The following ST3GAL2 variants were observed in gnomAD, a reference collection of about 807,000 sequenced individuals.
ST3GAL2 encodes ST3 beta-galactoside alpha-2,3-sialyltransferase 2, also known as CMP-N-acetylneuraminate-beta-galactosamide-alpha-2,3-sialyltransferase 2.
In ST3GAL2, 16 loss-of-function variants were observed where a neutral mutation model predicts 37.5. The ratio of observed to expected loss-of-function variants is 0.43; its 90% CI spans 0.29 to 0.65. The LOEUF (loss-of-function observed/expected upper bound fraction) is 0.65. ST3GAL2 is among the 30% of genes least tolerant of loss of function. ST3GAL2 has a pLI of 0.17. For missense variants in ST3GAL2, 383 were observed against 487.8 expected, an observed-to-expected ratio of 0.79 and a Z score of 2.02; for synonymous variants, 238 against 202.9, an observed-to-expected ratio of 1.17 and a Z score of -1.47.
intron 1 of ST3GAL2, among the ~76,000 whole-genome samples, chr16:70,419,634 T>C (rs1313497524): frequency 6.6e-6 from 1 of 152,174 alleles, no homozygotes; most frequent in Non-Finnish European, 1.5e-5. Flanking sequence ...CATGAGGCCC[T>C]GGGTGCAGCA....
chr16:70,382,016 C>T (rs1400832623), intron 6 of ST3GAL2, among the ~76,000 whole-genome samples, 154 bp from the exon 7 acceptor site: 4 of 150,414 alleles, frequency 2.7e-5, no homozygotes, highest in Non-Finnish European at 5.9e-5. Flanking sequence ...CACATGGGGA[C>T]ACCACCTTCC....
At chr16:70,418,685 C>T (rs573884840) in intron 1 of ST3GAL2, among the ~76,000 whole-genome samples, 16 of 152,294 alleles carry the variant, frequency 1.1e-4, no homozygotes, top group African/African-American at 3.4e-4. Flanking sequence ...CAAGCCCTGG[C>T]TTCCCCAGAT....
At chr16:70,432,551 C>T (rs2047798378) in intron 1 of ST3GAL2, among the ~76,000 whole-genome samples, 1 of 152,190 alleles carries the variant, frequency 6.6e-6, no homozygotes, top group African/African-American at 2.4e-5. Flanking sequence ...TAAATAGCAA[C>T]AAGAAGTACG....
chr16:70,381,639 G>A lies in ST3GAL2; in HGVS notation c.*50C>T, dbSNP rs760785317. The A allele has an allele frequency of 4.4e-6, 7 of 1,592,660 alleles. No homozygotes were observed. The Admixed American group carries it at 1.2e-4, about 27-fold the overall frequency. On this transcript the variant is annotated 3_prime_UTR_variant, in exon 7 of 7. Coordinates refer to ENST00000342907, the MANE Select transcript of ST3GAL2 (RefSeq NM_006927.4). Reference sequence around the variant, plus strand: ...GTTGCTGGTCCTGGGTCCCGGGCCGGAGCCCCGGTGCCCGATAGATGGGCC... The same window carrying A: ...GTTGCTGGTCCTGGGTCCCGGGCCGAAGCCCCGGTGCCCGATAGATGGGCC...
intron 4 of ST3GAL2, among the ~76,000 whole-genome samples, chr16:70,386,272 C>A (rs2047442830): frequency 6.6e-6 from 1 of 152,078 alleles, no homozygotes; most frequent in Non-Finnish European, 1.5e-5. Flanking sequence ...ACTGCAAGCT[C>A]CGCCTCCCGG....
chr16:70,406,023 T>G (rs2047590061), intron 1 of ST3GAL2, among the ~76,000 whole-genome samples: 1 of 150,114 alleles, frequency 6.7e-6, no homozygotes, highest in African/African-American at 2.5e-5. Context: ...ATCATGCCAC[T>G]GCACTCCGGC....
chr16:70,409,534 G>A (rs1336245749), intron 1 of ST3GAL2, among the ~76,000 whole-genome samples: 1 of 152,056 alleles, frequency 6.6e-6, no homozygotes, highest in Non-Finnish European at 1.5e-5. Context: ...GTCGAGATGG[G>A]GTTTAACCGT....
chr16:70,428,655 C>T (rs1335693000), intron 1 of ST3GAL2, among the ~76,000 whole-genome samples: 1 of 152,230 alleles, frequency 6.6e-6, no homozygotes, highest in East Asian at 1.9e-4. Flanking sequence ...CTGGACTTCT[C>T]AAGGTCCCCA....
At chr16:70,414,496 G>C (rs981640536) in intron 1 of ST3GAL2, among the ~76,000 whole-genome samples, 5 of 152,188 alleles carry the variant, frequency 3.3e-5, no homozygotes, top group Non-Finnish European at 7.3e-5. Flanking sequence ...ACTGCACACT[G>C]GCCATACAAA....
intron 1 of ST3GAL2, among the ~76,000 whole-genome samples, chr16:70,403,901 A>G (rs1302673422): frequency 6.6e-6 from 1 of 152,112 alleles, no homozygotes; most frequent in African/African-American, 2.4e-5. Flanking sequence ...AGGCTTAGGC[A>G]TAAGGATCAC....
intron 1 of ST3GAL2, among the ~76,000 whole-genome samples, chr16:70,424,638 T>C (rs2047738571): frequency 1.3e-5 from 2 of 152,012 alleles, no homozygotes; most frequent in Admixed American, 6.6e-5. Context: ...AATAATAAAG[T>C]TCTTGCCAAT....
At chr16:70,401,851 A>G (rs2151665500) in intron 1 of ST3GAL2, among the ~76,000 whole-genome samples, 1 of 151,932 alleles carries the variant, frequency 6.6e-6, no homozygotes, top group South Asian at 2.1e-4. Flanking sequence ...AAAATCAGCC[A>G]GGCGTTGTGG....
At chr16:70,399,759 G>A (rs1370831003) in intron 1 of ST3GAL2, 1 of 263,864 alleles carries the variant, frequency 3.8e-6, no homozygotes, top group African/African-American at 2.2e-5. Flanking sequence ...TTCTTAGCCA[G>A]AAGGTAAACG....
chr16:70,431,963 T>TAAAAAA (rs1397244157), intron 1 of ST3GAL2, among the ~76,000 whole-genome samples: 1 of 138,592 alleles, frequency 7.2e-6, no homozygotes, highest in African/African-American at 3.4e-5. Flanking sequence ...GACTCCGTCT[T>TAAAAAA]AAAAAAAATA....
At position 70,381,843 on chromosome 16, in the gene ST3GAL2, C is replaced by G. The variant is rs1489353458; in HGVS notation, c.899G>C (p.Gly300Ala). Residue 300 changes from glycine (G) to alanine (A), a missense_variant, in exon 7 of 7, where the codon GGG becomes GCG. By Grantham distance (60) the Gly-to-Ala change is moderately conservative. This residue lies in a region of ST3GAL2 where 160 missense variants were observed against 248.6 expected (regional missense o/e 0.64). Transcript: ENST00000342907. Reference sequence around the variant, plus strand: ...GTGCCAGTTGCCCCGGCTGTCGGCCCCGAACCCGTACACGTTCACCTGCGG... The same window carrying G: ...GTGCCAGTTGCCCCGGCTGTCGGCCGCGAACCCGTACACGTTCACCTGCGG... ...VCDEVNVYGF[G>A]ADSRGNWHHY... is the part of the protein sequence containing the mutation. 1 of 1,613,924 alleles carries G rather than the reference C, an allele frequency of 6.2e-7. No individual in the cohort carries two copies.
chr16:70,436,125 CAA>C (rs796840062), intron 1 of ST3GAL2, among the ~76,000 whole-genome samples: 10 of 129,202 alleles, frequency 7.7e-5, no homozygotes, highest in African/African-American at 5.6e-5. Flanking sequence ...GACTCTATCT[CAA>C]AAAAAAAAAA....
At position 70,379,368 on chromosome 16, in the gene ST3GAL2, C is replaced by T. The variant is rs1286694394; in HGVS notation, c.*2321G>A. ...CGCAGAGTCCAGGAATGAGGTGCCT[C>T]CTGTATAGGTGGGGGAGGGTATCTG... On this transcript the variant is annotated 3_prime_UTR_variant, in exon 7 of 7. Coordinates refer to ENST00000342907, the MANE Select transcript of ST3GAL2 (RefSeq NM_006927.4). The T allele has an allele frequency of 6.6e-6, 1 of 152,182 alleles. No individual in the cohort carries two copies. Among genetic ancestry groups the T allele is most frequent in the Non-Finnish European group, 1.5e-5 (1 of 68,052 alleles). The allele number at this position is 152,182 out of a possible 1,614,324, so 9.4% of individuals were successfully genotyped here.
chr16:70,412,767 C>T (rs986341463), intron 1 of ST3GAL2, among the ~76,000 whole-genome samples: 7 of 152,174 alleles, frequency 4.6e-5, no homozygotes, highest in Admixed American at 2.0e-4. Context: ...TATTTCTAGG[C>T]TGGGCATGGT....
chr16:70,424,296 A>T (rs2047735882), intron 1 of ST3GAL2, among the ~76,000 whole-genome samples: 1 of 146,510 alleles, frequency 6.8e-6, no homozygotes, highest in South Asian at 2.4e-4. Context: ...CGCCCTGCCA[A>T]GTAAGTAGCT....
Sources: gnomAD v4.1 joint callset for allele counts (sites outside exome capture counted in the v4.1 genomes callset) on GRCh38, gnomAD v4.1.1 for gene constraint, gnomAD v4.1.1 regional missense constraint, MANE v1.5 for transcripts, NCBI Gene and HGNC (gene_info 2026-07-23, HGNC 2026-07-21) for gene names.